HIVEP3: variants seen among roughly 807,000 people sequenced by gnomAD.
The protein encoded by HIVEP3 is HIVEP zinc finger 3.
HIVEP3 carries 49 observed loss-of-function variants against 152.8 expected under a neutral mutation model. That is an observed-to-expected ratio of 0.32 (90% confidence interval 0.26 to 0.41). The LOEUF is 0.41. Among genes scored for constraint, HIVEP3 ranks in the 10% least tolerant of loss-of-function variants. The pLI, the probability that HIVEP3 is intolerant of heterozygous loss-of-function variation, is 1.00. For missense variants in HIVEP3, 2,790 were observed against 3,103.3 expected, an observed-to-expected ratio of 0.90 and a Z score of 2.40; for synonymous variants, 1,269 against 1,289.0, an observed-to-expected ratio of 0.98 and a Z score of 0.33.
chr1:41,806,662 G>A (rs903385952), intron 1 of HIVEP3, among the ~76,000 whole-genome samples: 11 of 152,344 alleles, frequency 7.2e-5, no homozygotes, highest in African/African-American at 2.4e-4. Context: ...TAAAAGCTGA[G>A]CAGGAAGGGG....
intron 1 of HIVEP3, among the ~76,000 whole-genome samples, chr1:41,946,071 T>G (rs1645073290): frequency 1.3e-5 from 2 of 152,086 alleles, no homozygotes; most frequent in South Asian, 4.1e-4. Context: ...CTCAGGCAAG[T>G]GGACTTTGGA....
chr1:41,909,149 T>G (rs1644759238), intron 1 of HIVEP3, among the ~76,000 whole-genome samples: 1 of 152,122 alleles, frequency 6.6e-6, no homozygotes, highest in South Asian at 2.1e-4. Context: ...AGAAAATAAC[T>G]GGCAACCTAG....
intron 1 of HIVEP3, among the ~76,000 whole-genome samples, chr1:41,860,338 A>C (rs1643871915): frequency 6.6e-6 from 1 of 152,174 alleles, no homozygotes; most frequent in Non-Finnish European, 1.5e-5. Context: ...TTCATAATCA[A>C]GGTCAGCATA....
chr1:41,691,042 C>T (rs1392370331), intron 2 of HIVEP3, among the ~76,000 whole-genome samples: 1 of 152,194 alleles, frequency 6.6e-6, no homozygotes, highest in South Asian at 2.1e-4. Flanking sequence ...CTCTTTGCCT[C>T]GGCTATAAAA....
At chr1:41,947,414 C>G (rs963253466) in intron 1 of HIVEP3, among the ~76,000 whole-genome samples, 5 of 152,348 alleles carry the variant, frequency 3.3e-5, no homozygotes, top group South Asian at 4.1e-4. Context: ...AGGACTGTAT[C>G]CAGCCCATAC....
At chr1:41,886,261 T>C (rs757397719) in intron 1 of HIVEP3, among the ~76,000 whole-genome samples, 3 of 152,148 alleles carry the variant, frequency 2.0e-5, no homozygotes, top group Non-Finnish European at 4.4e-5. Flanking sequence ...GGGATTTATG[T>C]CTATTGTTCA....
chr1:41,893,757 T>C lies in HIVEP3; in HGVS notation c.-801+24656A>G, dbSNP rs867372695. On this transcript the variant is annotated intron_variant, in intron 1 of 8. Transcript: ENST00000372583. The stretch of plus-strand genomic sequence containing the variant: ...AGATATACATATATATTTATATTCA[T>C]ATATACATATTTTTATATATTATAT... Among the ~76,000 whole-genome samples, 5 of 147,736 alleles carry C rather than the reference T, an allele frequency of 3.4e-5. 1 individual carries two copies. The highest frequency in any genetic ancestry group is 7.2e-3 in the Middle Eastern group (2 of 278).
intron 1 of HIVEP3, among the ~76,000 whole-genome samples, chr1:41,712,592 G>T (rs895344450): frequency 2.0e-5 from 3 of 152,208 alleles, no homozygotes; most frequent in Non-Finnish European, 4.4e-5. Flanking sequence ...CACATGAGAT[G>T]CGCAGGACAA....
rs761009225 is a variant in HIVEP3 at position 41,580,825 on chromosome 1, T to C, written c.3973A>G (p.Thr1325Ala). 6.3e-7 allele frequency: 1 copy of C among 1,585,432 alleles called. No individual in the cohort carries two copies. Among genetic ancestry groups the C allele is most frequent in the East Asian group, 2.2e-5 (1 of 44,670 alleles). The stretch of plus-strand genomic sequence containing the variant: ...GCGCTCCCATAGGACGGCATATTGG[T>C]CTGAACACGGACAGGCACAACCAGG... ...VSLVVPVRVQ[T>A]NMPSYGSAMY... The change falls in exon 4 of 9, where the codon ACC (threonine) becomes GCC (alanine). Residue 1325 changes from threonine to alanine, a missense_variant. Transcript: ENST00000372583.
intron 1 of HIVEP3, among the ~76,000 whole-genome samples, chr1:41,943,013 C>T (rs188785315): frequency 1.4e-4 from 21 of 152,202 alleles, no homozygotes; most frequent in African/African-American, 4.1e-4. Flanking sequence ...CATTCTCCTG[C>T]CTCAGCCTCC....
chr1:41,654,203 A>G (rs1474882437), intron 2 of HIVEP3, among the ~76,000 whole-genome samples: 2 of 152,230 alleles, frequency 1.3e-5, no homozygotes, highest in Non-Finnish European at 2.9e-5. Flanking sequence ...GGCCTAGGTT[A>G]AAATGTAAGT....
Position 41,510,214 on chromosome 1 carries a change from T to C in HIVEP3, c.*237A>G, listed in dbSNP as rs1195633128. ...TTCACAGCCTCAGACTCCTCGTGGG[T>C]TGTTGTTTTTTTTTTAAATGTATGT... On this transcript the variant is annotated 3_prime_UTR_variant, in exon 9 of 9. Coordinates refer to ENST00000372583, the MANE Select transcript of HIVEP3 (RefSeq NM_024503.5). 1.1e-5 allele frequency: 4 copies of C among 373,644 alleles called. No homozygotes were observed. The highest frequency in any genetic ancestry group is 2.1e-5 in the African/African-American group (1 of 46,910). The allele number at this position is 373,644 out of a possible 1,614,324, so 23.1% of individuals were successfully genotyped here.
At chr1:42,018,931 C>T (rs1002051672) in intron 1 of HIVEP3, among the ~76,000 whole-genome samples, 2 of 152,016 alleles carry the variant, frequency 1.3e-5, no homozygotes, top group Admixed American at 6.6e-5. Flanking sequence ...TAAGCCATTG[C>T]TTTGAGATAC....
At chr1:41,688,517 T>A (rs1444935884) in intron 2 of HIVEP3, among the ~76,000 whole-genome samples, 2 of 152,222 alleles carry the variant, frequency 1.3e-5, no homozygotes, top group African/African-American at 4.8e-5. Flanking sequence ...TTTTGATACA[T>A]CTCCAGGGAA....
At chr1:41,623,066 T>C (rs1280740748) in intron 3 of HIVEP3, among the ~76,000 whole-genome samples, 1 of 152,216 alleles carries the variant, frequency 6.6e-6, no homozygotes, top group Non-Finnish European at 1.5e-5. Flanking sequence ...GGTCCAAACC[T>C]GAGCTGGGGC....
intron 1 of HIVEP3, among the ~76,000 whole-genome samples, chr1:41,709,947 G>A (rs921594904): frequency 6.6e-6 from 1 of 152,170 alleles, no homozygotes; most frequent in African/African-American, 2.4e-5. Context: ...TGTCTGGAGT[G>A]GGGCAGGGGG....
intron 1 of HIVEP3, among the ~76,000 whole-genome samples, chr1:41,946,908 G>A (rs1325852586): frequency 6.6e-6 from 1 of 152,080 alleles, no homozygotes; most frequent in Non-Finnish European, 1.5e-5. Flanking sequence ...AAACCCAACG[G>A]ACAGTGGAGG....
chr1:41,885,648 G>C (rs993474743), intron 1 of HIVEP3, among the ~76,000 whole-genome samples: 1 of 152,144 alleles, frequency 6.6e-6, no homozygotes, highest in Non-Finnish European at 1.5e-5. Context: ...GAGTGACAGA[G>C]TGAGACTCCG....
rs145289673 is a variant in HIVEP3, at chr1:41,608,641, C to A, written c.-522+20108G>T. ...TCACTGAGACTTCTGGAATCCTGGGCTGCAATGTTTTCTGCTCTGATTGCT... is the reference window on the plus strand; with the variant it reads ...TCACTGAGACTTCTGGAATCCTGGGATGCAATGTTTTCTGCTCTGATTGCT... On this transcript the variant is annotated intron_variant, in intron 3 of 8. Transcript: ENST00000372583. Among the ~76,000 whole-genome samples the A allele has an allele frequency of 1.4e-4, 22 of 152,346 alleles. No homozygotes were observed. The East Asian group carries it at 3.7e-3, about 25-fold the overall frequency.
Sources: gnomAD v4.1 joint callset for allele counts (sites outside exome capture counted in the v4.1 genomes callset) on GRCh38, gnomAD v4.1.1 for gene constraint, MANE v1.5 for transcripts, NCBI Gene and HGNC (gene_info 2026-07-23, HGNC 2026-07-21) for gene names.